The following SPOPL variants were observed in gnomAD, a reference collection of about 807,000 sequenced individuals.
The protein encoded by SPOPL is speckle type BTB/POZ protein like, also known as speckle-type POZ protein-like.
Under a neutral mutation model 53.8 loss-of-function variants are expected in SPOPL, and 23 were observed. The observed-to-expected ratio is 0.43, with a 90% CI of 0.31 to 0.61. The LOEUF (loss-of-function observed/expected upper bound fraction) is 0.61. SPOPL is among the 20% of genes least tolerant of loss of function. The probability of loss-of-function intolerance (pLI) is 0.12; values close to 1 mark genes in which losing one functional copy is unlikely to be tolerated. For synonymous variants in SPOPL, 164 were observed against 149.7 expected (o/e 1.10, Z -0.70); for missense variants, 442 against 466.9 (o/e 0.95, Z 0.49).
At position 138,569,067 on chromosome 2, in the gene SPOPL, TA is replaced by T. The variant is rs773868829; in HGVS notation, c.1170del (p.Lys390AsnfsTer30). The T allele has an allele frequency of 6.2e-6, 10 of 1,613,148 alleles. No homozygotes were observed. In the South Asian group the frequency reaches 1.1e-4, roughly 18 times the overall value. The part of the protein sequence containing the change: ...CPQFGIPRKR[L>X]KQS The stretch of plus-strand genomic sequence containing the variant: ...CAGTTTGGCATTCCACGCAAACGGC[TA>T]AAACAGTCCTGAAATCTTCCATGAA... On this transcript the variant is annotated frameshift_variant, in exon 11 of 11. Coordinates refer to ENST00000280098, the MANE Select transcript of SPOPL (RefSeq NM_001001664.3). LOFTEE classifies it high-confidence loss of function.
chr2:138,552,625 T>C lies in SPOPL; in HGVS notation c.424T>C (p.Leu142=), dbSNP rs748846225. 1.9e-6 allele frequency: 3 copies of C among 1,613,286 alleles called. No homozygotes were observed. In the African/African-American group the frequency reaches 4.0e-5, roughly 22 times the overall value. ...GFKKFIRRDF[L]LDEANGLLPD... ...TAAAAAATTCATTAGAAGGGACTTT[T>C]TGCTTGATGAAGCTAATGGTCTTTT... Residue 142 remains leucine, a synonymous_variant, in exon 5 of 11, where the codon TTG becomes CTG. Transcript: ENST00000280098.
chr2:138,543,235 G>A (rs1573893950), intron 1 of SPOPL, among the ~76,000 whole-genome samples: 1 of 152,130 alleles, frequency 6.6e-6, no homozygotes, highest in Non-Finnish European at 1.5e-5. Context: ...TTCTCGAGGA[G>A]TATCTTTGTG....
chr2:138,537,061 C>T (rs758855268), intron 1 of SPOPL, among the ~76,000 whole-genome samples: 9 of 152,170 alleles, frequency 5.9e-5, no homozygotes, highest in Non-Finnish European at 7.3e-5. Flanking sequence ...TCCACCTTTC[C>T]GGCAGTGACA....
At chr2:138,563,877 G>C (rs1487051454) in intron 8 of SPOPL, among the ~76,000 whole-genome samples, 1 of 152,198 alleles carries the variant, frequency 6.6e-6, no homozygotes. Flanking sequence ...ATATTCATCA[G>C]CAGTTGAATG....
intron 1 of SPOPL, among the ~76,000 whole-genome samples, chr2:138,514,007 C>T (rs576655825): frequency 6.6e-6 from 1 of 152,244 alleles, no homozygotes; most frequent in South Asian, 2.1e-4. Context: ...CATGCAAAGA[C>T]ATGCACATAT....
In SPOPL at chr2:138,564,842, T is replaced by C. The variant is rs769383530; in HGVS notation, c.972T>C (p.Phe324=). ...AEQLKAQAID[F]INRCSVLRQL... ...AGTTGAAAGCACAAGCCATAGACTT[T>C]ATTAATAGGTAAGCTATGCTTGTAT... The change falls in exon 9 of 11, where the codon TTT becomes TTC. Residue 324 remains phenylalanine (F), a synonymous_variant. Transcript: ENST00000280098. 6.2e-7 allele frequency: 1 copy of C among 1,614,158 alleles called. No individual in the cohort carries two copies. The highest frequency in any genetic ancestry group is 2.2e-5 in the East Asian group (1 of 44,880).
chr2:138,550,048 T>A (rs1685280309), intron 1 of SPOPL, 109 bp from the exon 2 acceptor site: 1 of 518,894 alleles, frequency 1.9e-6, no homozygotes, highest in Non-Finnish European at 3.4e-6. Flanking sequence ...TGTTCCTTCA[T>A]AATCTAGTTT....
intron 1 of SPOPL, among the ~76,000 whole-genome samples, chr2:138,524,596 A>G (rs755899074): frequency 1.3e-5 from 2 of 152,170 alleles, no homozygotes; most frequent in African/African-American, 2.4e-5. Context: ...CACCTCTTCA[A>G]TGGTTTGCTG....
chr2:138,562,076 T>C (rs1246613147), intron 8 of SPOPL, among the ~76,000 whole-genome samples: 2 of 152,072 alleles, frequency 1.3e-5, no homozygotes, highest in Non-Finnish European at 2.9e-5. Flanking sequence ...GTCCATGGAC[T>C]GAAAGTCTCA....
intron 1 of SPOPL, among the ~76,000 whole-genome samples, chr2:138,532,991 G>A (rs1684846037): frequency 6.6e-6 from 1 of 151,992 alleles, no homozygotes; most frequent in Non-Finnish European, 1.5e-5. Flanking sequence ...TACATTAATT[G>A]TTTTGATCAT....
chr2:138,560,725 T>C, intron 7 of SPOPL, 80 bp from the exon 8 acceptor site: 1 of 1,453,344 alleles, frequency 6.9e-7, no homozygotes, highest in Non-Finnish European at 9.3e-7. Flanking sequence ...GGCTTTTAAA[T>C]TACTGTCAAA....
At chr2:138,513,276 G>C (rs953300089) in intron 1 of SPOPL, among the ~76,000 whole-genome samples, 2 of 152,172 alleles carry the variant, frequency 1.3e-5, no homozygotes, top group Admixed American at 6.5e-5. Flanking sequence ...AAATTAGGCC[G>C]GGCATAGTGG....
In SPOPL at chr2:138,572,991, G is replaced by A. The variant is rs1685819330; in HGVS notation, c.*3911G>A. On this transcript the variant is annotated 3_prime_UTR_variant, in exon 11 of 11. Transcript: ENST00000280098. ...GCATTCAGTTTTAAAAAATGAAGATGTAACTTACCTGAGTCTCATTTTTGA... is the reference window on the plus strand; with the variant it reads ...GCATTCAGTTTTAAAAAATGAAGATATAACTTACCTGAGTCTCATTTTTGA... The A allele has an allele frequency of 6.6e-6, 1 of 152,202 alleles. No individual in the cohort carries two copies. The highest frequency in any genetic ancestry group is 2.4e-5 in the African/African-American group (1 of 41,416). The allele number at this position is 152,202 out of a possible 1,614,324, so 9.4% of individuals were successfully genotyped here.
At chr2:138,525,062 C>T (rs940661869) in intron 1 of SPOPL, among the ~76,000 whole-genome samples, 3 of 152,162 alleles carry the variant, frequency 2.0e-5, no homozygotes, top group Non-Finnish European at 2.9e-5. Flanking sequence ...TATATTAATC[C>T]GTTTTCATGC....
intron 1 of SPOPL, among the ~76,000 whole-genome samples, chr2:138,528,089 C>T (rs1251612218): frequency 6.6e-6 from 1 of 152,146 alleles, no homozygotes; most frequent in East Asian, 1.9e-4. Context: ...TCCTGTTTGT[C>T]TCTCAGGAAT....
At chr2:138,546,072 G>A (rs1013322667) in intron 1 of SPOPL, among the ~76,000 whole-genome samples, 3 of 151,978 alleles carry the variant, frequency 2.0e-5, no homozygotes, top group Non-Finnish European at 4.4e-5. Flanking sequence ...TTCTTTTTTT[G>A]TTTTCTGAAT....
intron 1 of SPOPL, among the ~76,000 whole-genome samples, chr2:138,538,111 G>C (rs143677312): frequency 7.2e-5 from 11 of 152,048 alleles, no homozygotes; most frequent in Non-Finnish European, 1.5e-5. Flanking sequence ...TAAATTCGTC[G>C]AGACTTGTTT....
chr2:138,535,499 C>T (rs139330505), intron 1 of SPOPL, among the ~76,000 whole-genome samples: 25 of 148,950 alleles, frequency 1.7e-4, no homozygotes, highest in East Asian at 1.6e-3. Flanking sequence ...TCTACATCCT[C>T]GTCAATGCAG....
chr2:138,533,419 C>T (rs973514016), intron 1 of SPOPL, among the ~76,000 whole-genome samples: 2 of 152,052 alleles, frequency 1.3e-5, no homozygotes, highest in South Asian at 2.1e-4. Context: ...ATCTCCGTGT[C>T]TGTATCCTCT....
Sources: gnomAD v4.1 joint callset for allele counts (sites outside exome capture counted in the v4.1 genomes callset) on GRCh38, gnomAD v4.1.1 for gene constraint, MANE v1.5 for transcripts, NCBI Gene and HGNC (gene_info 2026-07-23, HGNC 2026-07-21) for gene names.